ROR1: variants seen among roughly 807,000 people sequenced by gnomAD.
The protein encoded by ROR1 is ROR family WNT receptor 1.
A neutral mutation model predicts 78.8 loss-of-function variants in ROR1; 19 were observed. The ratio of observed to expected loss-of-function variants is 0.24; its 90% confidence interval spans 0.17 to 0.35. The LOEUF is 0.35. Ranked by LOEUF, ROR1 falls within the 10% of genes least tolerant of loss-of-function variation. The pLI is 1.00. For synonymous variants in ROR1, 386 were observed against 433.6 expected (o/e 0.89, Z 1.36); for missense variants, 917 against 1,177.8 (o/e 0.78, Z 3.24).
At position 64,140,348 on chromosome 1, in the gene ROR1, G is replaced by C. The variant is rs561785581; in HGVS notation, c.850G>C (p.Asp284His). 9.9e-6 allele frequency: 16 copies of C among 1,614,122 alleles called. No individual in the cohort carries two copies. The East Asian group carries it at 3.6e-4, about 36-fold the overall frequency. ...LMRLKLPNCE[D>H]LPQPESPEAA... Reference sequence around the variant, plus strand: ...GAGGCTGAAACTGCCAAACTGTGAAGATCTCCCCCAGCCAGAGAGCCCAGA... The same window carrying C: ...GAGGCTGAAACTGCCAAACTGTGAACATCTCCCCCAGCCAGAGAGCCCAGA... The change falls in exon 6 of 9, where the codon GAT becomes CAT. Residue 284 changes from aspartate (D) to histidine (H), a missense_variant. Transcript: ENST00000371079.
chr1:63,878,354 G>T (rs946303724), intron 1 of ROR1, among the ~76,000 whole-genome samples: 1 of 152,122 alleles, frequency 6.6e-6, no homozygotes, highest in East Asian at 1.9e-4. Flanking sequence ...ATTCCTTGAC[G>T]ATGAGGAACT....
intron 1 of ROR1, among the ~76,000 whole-genome samples, chr1:63,918,201 ATGT>A (rs1315566038): frequency 6.6e-6 from 1 of 152,248 alleles, no homozygotes; most frequent in African/African-American, 2.4e-5. Flanking sequence ...GAGATTCACC[ATGT>A]TGTACTTTCT....
At chr1:63,851,763 A>G (rs962456153) in intron 1 of ROR1, among the ~76,000 whole-genome samples, 10 of 152,364 alleles carry the variant, frequency 6.6e-5, no homozygotes, top group Non-Finnish European at 1.2e-4. Flanking sequence ...GTGCTGGGCA[A>G]AGGGGAGAAC....
At chr1:64,011,413 T>C (rs1347980307) in intron 2 of ROR1, among the ~76,000 whole-genome samples, 1 of 152,232 alleles carries the variant, frequency 6.6e-6, no homozygotes, top group Admixed American at 6.5e-5. Context: ...AAGTTCCTTA[T>C]GGTGCCAACA....
chr1:64,099,492 G>T (rs980290694), intron 4 of ROR1, among the ~76,000 whole-genome samples: 8 of 152,094 alleles, frequency 5.3e-5, no homozygotes, highest in African/African-American at 1.7e-4. Context: ...ATCAGAGGCC[G>T]CCAGAGGAAC....
chr1:63,903,771 A>C (rs1218850075), intron 1 of ROR1, among the ~76,000 whole-genome samples: 1 of 151,876 alleles, frequency 6.6e-6, no homozygotes, highest in Non-Finnish European at 1.5e-5. Flanking sequence ...ATATATTTTT[A>C]TATATAGATA....
At chr1:64,162,228 T>G (rs12410782) in intron 8 of ROR1, among the ~76,000 whole-genome samples, 1 of 151,838 alleles carries the variant, frequency 6.6e-6, no homozygotes, top group Non-Finnish European at 1.5e-5. Context: ...TCCAAATGAA[T>G]GTGCCCTTCA....
At chr1:63,970,586 C>T (rs995100564) in intron 1 of ROR1, among the ~76,000 whole-genome samples, 4 of 151,926 alleles carry the variant, frequency 2.6e-5, no homozygotes, top group South Asian at 2.1e-4. Context: ...TAAGATCAAC[C>T]GCACTTAAAA....
chr1:63,851,156 T>C (rs1453873763), intron 1 of ROR1, among the ~76,000 whole-genome samples: 1 of 152,162 alleles, frequency 6.6e-6, no homozygotes, highest in African/African-American at 2.4e-5. Context: ...TTTTTTGTAT[T>C]TTTAGTAGAG....
chr1:64,069,704 TG>T (rs1646986826), intron 4 of ROR1, among the ~76,000 whole-genome samples: 1 of 152,216 alleles, frequency 6.6e-6, no homozygotes, highest in Admixed American at 6.5e-5. Flanking sequence ...CAGAGGTTCA[TG>T]ACAATGGGAG....
intron 4 of ROR1, among the ~76,000 whole-genome samples, chr1:64,052,571 AC>A (rs1291654577): frequency 6.6e-6 from 1 of 152,100 alleles, no homozygotes; most frequent in Non-Finnish European, 1.5e-5. Context: ...AAGATTTTAT[AC>A]CCCTGTTGTG....
At chr1:63,806,897 CA>C (rs1314274885) in intron 1 of ROR1, among the ~76,000 whole-genome samples, 1 of 152,158 alleles carries the variant, frequency 6.6e-6, no homozygotes, top group Non-Finnish European at 1.5e-5. Flanking sequence ...GAAACAAAAA[CA>C]AACTAATAAA....
intron 1 of ROR1, among the ~76,000 whole-genome samples, chr1:63,943,701 G>C (rs1016790458): frequency 1.3e-5 from 2 of 152,170 alleles, no homozygotes; most frequent in African/African-American, 4.8e-5. Flanking sequence ...CCTTGACTTT[G>C]TCATTTGATT....
At chr1:63,780,520 T>C (rs1644644620) in intron 1 of ROR1, among the ~76,000 whole-genome samples, 1 of 152,202 alleles carries the variant, frequency 6.6e-6, no homozygotes, top group Non-Finnish European at 1.5e-5. Flanking sequence ...GAACGTGAAG[T>C]ATGTTAGCCA....
At position 63,835,556 on chromosome 1, in the gene ROR1, A is replaced by C. The variant is rs1464188212; in HGVS notation, c.91+61048A>C. ...TTGATACCTACTGTGTGCAAAATTT[A>C]TGTGCCTTTGGGGAGGATACTGAGA... On this transcript the variant is annotated intron_variant, in intron 1 of 8. Coordinates refer to ENST00000371079, the MANE Select transcript of ROR1 (RefSeq NM_005012.4). Among the ~76,000 whole-genome samples the C allele has an allele frequency of 2.0e-5, 3 of 152,216 alleles. No homozygotes were observed. In the East Asian group the frequency reaches 5.8e-4, roughly 29 times the overall value.
At chr1:64,063,070 T>C (rs1038743879) in intron 4 of ROR1, among the ~76,000 whole-genome samples, 1 of 152,228 alleles carries the variant, frequency 6.6e-6, no homozygotes, top group Admixed American at 6.5e-5. Flanking sequence ...AAGATATGGT[T>C]AGACCCAGGG....
chr1:63,846,481 G>C (rs631029), intron 1 of ROR1, among the ~76,000 whole-genome samples: 1 of 150,834 alleles, frequency 6.6e-6, no homozygotes, highest in African/African-American at 2.4e-5. Context: ...GAAGATTTCC[G>C]TGTTGGCAAG....
chr1:63,891,601 T>C (rs1226721555), intron 1 of ROR1, among the ~76,000 whole-genome samples: 1 of 152,084 alleles, frequency 6.6e-6, no homozygotes, highest in Non-Finnish European at 1.5e-5. Flanking sequence ...CAGAAGAAAT[T>C]AGCATTTGAA....
At chr1:64,118,820 T>A (rs1282660294) in intron 4 of ROR1, among the ~76,000 whole-genome samples, 1 of 152,060 alleles carries the variant, frequency 6.6e-6, no homozygotes, top group Non-Finnish European at 1.5e-5. Context: ...TATAGCACTT[T>A]CTCCTCCATG....
Sources: gnomAD v4.1 joint callset for allele counts (sites outside exome capture counted in the v4.1 genomes callset) on GRCh38, gnomAD v4.1.1 for gene constraint, MANE v1.5 for transcripts, NCBI Gene and HGNC (gene_info 2026-07-23, HGNC 2026-07-21) for gene names.